Variants in OCA2 observed in about 807,000 individuals in gnomAD.
The protein encoded by OCA2 is OCA2 melanosomal transmembrane protein, also known as P protein.
Under a neutral mutation model 100.2 loss-of-function variants are expected in OCA2, and 77 were observed. The observed-to-expected ratio is 0.77, with a 90% CI of 0.64 to 0.93. The LOEUF is 0.93. Among genes scored for constraint, OCA2 ranks in the 40% least tolerant of loss-of-function variants. The pLI is 0.00. For missense variants in OCA2, 1,062 were observed against 1,089.1 expected (o/e 0.98, Z 0.35); for synonymous variants, 432 against 439.2 (o/e 0.98, Z 0.21).
At chr15:27,805,325 T>A (rs2033789961) in intron 23 of OCA2, among the ~76,000 whole-genome samples, 1 of 152,242 alleles carries the variant, frequency 6.6e-6, no homozygotes, top group South Asian at 2.1e-4. Flanking sequence ...CCTTAGGGGC[T>A]GCTCCCGCAG....
chr15:28,003,488 G>C (rs544877558), intron 9 of OCA2, among the ~76,000 whole-genome samples: 2 of 151,990 alleles, frequency 1.3e-5, no homozygotes, highest in Admixed American at 1.3e-4. Flanking sequence ...CCCACAAGAA[G>C]CCAGGAGATG....
Position 28,082,002 on chromosome 15 carries a change from C to T in OCA2, c.-21-107G>A, listed in dbSNP as rs1172470337. ...AAGGTTGCTTCTTCGGAGGCGGTCC[C>T]AGAGTTCCAGCATCCTAACCACGCA... On this transcript the variant is annotated intron_variant, in intron 1 of 23. Transcript: ENST00000354638. The T allele has an allele frequency of 4.4e-6, 4 of 904,806 alleles. No homozygotes were observed. The African/African-American group carries it at 4.9e-5, about 11-fold the overall frequency. The allele number at this position is 904,806 out of a possible 1,614,324, so 56.0% of individuals were successfully genotyped here. A position where few individuals can be genotyped will look rare whatever the true frequency, so the allele number is the denominator to read the frequency against.
At chr15:27,961,640 C>T (rs1169117860) in intron 15 of OCA2, among the ~76,000 whole-genome samples, 1 of 152,134 alleles carries the variant, frequency 6.6e-6, no homozygotes, top group Admixed American at 6.5e-5. Context: ...GAGTTCATGT[C>T]CTTTGCAGGG....
intron 19 of OCA2, among the ~76,000 whole-genome samples, chr15:27,913,264 A>G (rs1461060031): frequency 6.6e-6 from 1 of 152,244 alleles, no homozygotes; most frequent in East Asian, 1.9e-4. Flanking sequence ...ACTTAGGGGA[A>G]GTTGGGTGAT....
At chr15:27,724,192 C>T in the OCA2 span, among the ~76,000 whole-genome samples, 1 of 152,182 alleles carries the variant, frequency 6.6e-6, no homozygotes, top group Admixed American at 6.5e-5. Flanking sequence ...CAAGATACTG[C>T]AGACTGGGGG....
intron 19 of OCA2, among the ~76,000 whole-genome samples, chr15:27,910,836 G>C (rs560050813): frequency 6.6e-6 from 1 of 151,948 alleles, no homozygotes; most frequent in Non-Finnish European, 1.5e-5. Flanking sequence ...GGCATCTGTA[G>C]TCCCAGCTAC....
At chr15:28,048,656 A>G (rs1031575026) in intron 2 of OCA2, among the ~76,000 whole-genome samples, 2 of 152,140 alleles carry the variant, frequency 1.3e-5, no homozygotes, top group African/African-American at 4.8e-5. Context: ...AAGCAATAAC[A>G]GAAAAAAAAA....
At chr15:27,761,903 C>T (rs879540963) in intron 23 of OCA2, among the ~76,000 whole-genome samples, 4 of 152,220 alleles carry the variant, frequency 2.6e-5, no homozygotes, top group Non-Finnish European at 4.4e-5. Flanking sequence ...CAGCTCCCTA[C>T]AGCCTTGACT....
intron 19 of OCA2, among the ~76,000 whole-genome samples, chr15:27,910,913 G>A (rs12050607): frequency 0.19 from 28,990 of 151,552 alleles, 4,058 homozygotes; most frequent in East Asian, 0.62. Flanking sequence ...CCGAGATCAT[G>A]CCACTGCACT....
At chr15:27,813,575 G>A (rs1260638782) in intron 23 of OCA2, among the ~76,000 whole-genome samples, 1 of 152,208 alleles carries the variant, frequency 6.6e-6, no homozygotes, top group East Asian at 1.9e-4. Flanking sequence ...AAAGCCATGA[G>A]ACATTAAAGC....
At chr15:27,728,895 G>A in the OCA2 span, among the ~76,000 whole-genome samples, 10 of 152,106 alleles carry the variant, frequency 6.6e-5, no homozygotes, top group East Asian at 1.9e-4. Flanking sequence ...TTTTAGTGTC[G>A]TTTACAACCT....
rs115722977 is a variant in OCA2, at chr15:27,769,697, C to T, written c.2433-14225G>A. Among the ~76,000 whole-genome samples the T allele has an allele frequency of 7.2e-3, 1,099 of 152,326 alleles. 15 individuals are homozygous for T. Among genetic ancestry groups the T allele is most frequent in the African/African-American group, 0.025 (1,050 of 41,572 alleles). ...ATAACTATGGTTTTTAAACAAAAAGCCATTTGGCTGTCGCCCTTCTACAAA... is the reference window on the plus strand; with the variant it reads ...ATAACTATGGTTTTTAAACAAAAAGTCATTTGGCTGTCGCCCTTCTACAAA... On this transcript the variant is annotated intron_variant, in intron 23 of 23. Transcript: ENST00000354638.
intron 2 of OCA2, among the ~76,000 whole-genome samples, chr15:28,037,895 T>C (rs2043090366): frequency 6.6e-6 from 1 of 152,194 alleles, no homozygotes; most frequent in Admixed American, 6.5e-5. Context: ...AGATGTACTC[T>C]GCATGGAGCA....
intron 14 of OCA2, among the ~76,000 whole-genome samples, chr15:27,971,280 C>T (rs1025596122): frequency 6.6e-6 from 1 of 152,158 alleles, no homozygotes; most frequent in Non-Finnish European, 1.5e-5. Context: ...GAAGGGAAAC[C>T]TGTCTTCTTA....
At chr15:27,922,334 A>G (rs899510398) in intron 19 of OCA2, among the ~76,000 whole-genome samples, 1 of 152,258 alleles carries the variant, frequency 6.6e-6, no homozygotes, top group African/African-American at 2.4e-5. Context: ...TAGGCAATTT[A>G]CTGAAGGGAT....
intron 2 of OCA2, among the ~76,000 whole-genome samples, chr15:28,060,707 T>A (rs2043847441): frequency 6.6e-6 from 1 of 152,226 alleles, no homozygotes; most frequent in African/African-American, 2.4e-5. Context: ...TGAGAAAATT[T>A]TAACTTGCTC....
chr15:28,020,034 T>C (rs1882659597), intron 6 of OCA2, among the ~76,000 whole-genome samples: 1 of 152,144 alleles, frequency 6.6e-6, no homozygotes, highest in Admixed American at 6.5e-5. Flanking sequence ...TCTTCCCCCC[T>C]GCGGCCTTCA....
intron 21 of OCA2, among the ~76,000 whole-genome samples, chr15:27,862,149 A>T (rs1249737963): frequency 6.6e-6 from 1 of 151,342 alleles, no homozygotes; most frequent in Non-Finnish European, 1.5e-5. Context: ...GTCCTCATGG[A>T]CAGAAAGCGC....
Position 28,079,153 on chromosome 15 carries a change from G to A in OCA2, c.227+2495C>T, listed in dbSNP as rs555415843. 4.6e-5 allele frequency among the ~76,000 whole-genome samples: 7 copies of A among 152,152 alleles called. No individual in the cohort carries two copies. In the South Asian group the frequency reaches 8.3e-4, roughly 18 times the overall value. On this transcript the variant is annotated intron_variant, in intron 2 of 23. Transcript: ENST00000354638. ...TTGCAGCATCTCATAGTGTTCTTTC[G>A]TTCTGCTCATTCTCTTCACAACTGA... is the stretch of plus-strand genomic sequence containing the variant.
Sources: allele counts gnomAD v4.1 joint callset (sites outside exome capture counted in the v4.1 genomes callset), GRCh38; gene constraint gnomAD v4.1.1; transcripts MANE v1.5; gene names NCBI Gene and HGNC (gene_info 2026-07-23, HGNC 2026-07-21).